The following PTCHD4 variants were observed in gnomAD, a reference collection of about 807,000 sequenced individuals.
PTCHD4 encodes the protein patched domain containing 4.
Under a neutral mutation model 58.1 loss-of-function variants are expected in PTCHD4, and 33 were observed. The observed-to-expected ratio is 0.57, with a 90% CI of 0.43 to 0.76. The LOEUF (loss-of-function observed/expected upper bound fraction) is 0.76, where lower values mean the gene tolerates loss of function less well. PTCHD4 is among the 30% of genes least tolerant of loss of function. The pLI is 0.00. For synonymous variants in PTCHD4, 478 were observed against 409.6 expected (o/e 1.17, Z -2.02); for missense variants, 1,058 against 1,027.1 (o/e 1.03, Z -0.41).
At chr6:48,081,809 C>T (rs972132008) in intron 1 of PTCHD4, among the ~76,000 whole-genome samples, 6 of 152,070 alleles carry the variant, frequency 3.9e-5, no homozygotes, top group Non-Finnish European at 7.4e-5. Flanking sequence ...AGAAACTTAG[C>T]TATGTTGAAT....
At chr6:47,882,051 C>A (rs536147815) in intron 4 of PTCHD4, among the ~76,000 whole-genome samples, 5 of 152,036 alleles carry the variant, frequency 3.3e-5, no homozygotes, top group Admixed American at 3.3e-4. Flanking sequence ...TTCCTATCTT[C>A]GGCAAAACTC....
intron 3 of PTCHD4, among the ~76,000 whole-genome samples, chr6:48,015,930 T>G (rs990736823): frequency 1.3e-5 from 2 of 151,888 alleles, no homozygotes; most frequent in South Asian, 4.1e-4. Flanking sequence ...GAGACTAGTT[T>G]GCTAAGACCA....
chr6:48,048,025 A>C (rs935562387), intron 3 of PTCHD4, among the ~76,000 whole-genome samples: 40 of 151,792 alleles, frequency 2.6e-4, no homozygotes, highest in Non-Finnish European at 5.5e-4. Context: ...TAGTAAAAAA[A>C]AAAAAAAAAA....
intron 4 of PTCHD4, among the ~76,000 whole-genome samples, chr6:47,891,781 CA>C (rs1247202164): frequency 1.3e-5 from 2 of 151,858 alleles, no homozygotes; most frequent in African/African-American, 4.8e-5. Flanking sequence ...TGTAATTAGT[CA>C]ATAAACCTAA....
At chr6:48,092,760 A>G (rs1055014545) in intron 1 of PTCHD4, among the ~76,000 whole-genome samples, 2 of 152,214 alleles carry the variant, frequency 1.3e-5, no homozygotes, top group Admixed American at 6.5e-5. Flanking sequence ...GCAGATACAC[A>G]GGAATGTCAC....
At chr6:48,099,753 G>A (rs1582137905) in intron 1 of PTCHD4, among the ~76,000 whole-genome samples, 1 of 152,244 alleles carries the variant, frequency 6.6e-6, no homozygotes, top group Admixed American at 6.5e-5. Flanking sequence ...AGGCTATGCT[G>A]TGAATGGAGC....
At chr6:48,047,880 C>T (rs778722140) in intron 3 of PTCHD4, among the ~76,000 whole-genome samples, 2 of 151,748 alleles carry the variant, frequency 1.3e-5, no homozygotes, top group Non-Finnish European at 2.9e-5. Flanking sequence ...TTGTTTAAGT[C>T]ATTCTGTCTA....
chr6:47,868,321 C>T lies in PTCHD4; in HGVS notation c.*9982G>A, dbSNP rs1581799975. On this transcript the variant is annotated 3_prime_UTR_variant, in exon 5 of 5. Transcript: ENST00000339488. ...AACTTATAGGAAAGGACAGTTATTA[C>T]CAACAAACTTGAAATTCTTCCTTTA... Among the ~76,000 whole-genome samples, 1 of 151,740 alleles carries T rather than the reference C, an allele frequency of 6.6e-6. No homozygotes were observed. Among genetic ancestry groups the T allele is most frequent in the Non-Finnish European group, 1.5e-5 (1 of 67,794 alleles).
chr6:48,033,815 A>G (rs181470859), intron 3 of PTCHD4, among the ~76,000 whole-genome samples: 6 of 152,182 alleles, frequency 3.9e-5, no homozygotes, highest in South Asian at 2.1e-4. Context: ...CATTGATTTC[A>G]AGAGCCTGTG....
intron 4 of PTCHD4, among the ~76,000 whole-genome samples, chr6:47,889,467 T>C (rs1435295361): frequency 1.3e-5 from 2 of 151,918 alleles, no homozygotes; most frequent in Non-Finnish European, 2.9e-5. Flanking sequence ...TTTTGAGAAG[T>C]GTCTGTTCAT....
intron 4 of PTCHD4, among the ~76,000 whole-genome samples, chr6:47,952,924 AAT>A (rs151138280): frequency 0.058 from 8,849 of 152,132 alleles, 421 homozygotes; most frequent in African/African-American, 0.13. Context: ...TAGAGTAGAA[AAT>A]ATATCACATA....
At chr6:47,972,279 C>G (rs1767541239) in intron 4 of PTCHD4, among the ~76,000 whole-genome samples, 1 of 152,178 alleles carries the variant, frequency 6.6e-6, no homozygotes, top group East Asian at 1.9e-4. Context: ...TTGGTGTGGG[C>G]TCCATTTAAA....
rs1187486552 is a variant in PTCHD4 at position 47,872,902 on chromosome 6, C to A, written c.*5401G>T. On this transcript the variant is annotated 3_prime_UTR_variant, in exon 5 of 5. Transcript: ENST00000339488. Reference sequence around the variant, plus strand: ...TCCGTTTTATAAGAAAAGCAAGTGGCTTCTCTATCAGCAATAGAGAGTCCT... The same window carrying A: ...TCCGTTTTATAAGAAAAGCAAGTGGATTCTCTATCAGCAATAGAGAGTCCT... Among the ~76,000 whole-genome samples the A allele has an allele frequency of 1.3e-5, 2 of 151,514 alleles. No homozygotes were observed. The highest frequency in any genetic ancestry group is 4.8e-5 in the African/African-American group (2 of 41,318).
chr6:48,044,433 G>T (rs1763961171), intron 3 of PTCHD4, among the ~76,000 whole-genome samples: 1 of 151,848 alleles, frequency 6.6e-6, no homozygotes, highest in African/African-American at 2.4e-5. Flanking sequence ...AAGACAGAAA[G>T]AAAACAGATT....
intron 4 of PTCHD4, among the ~76,000 whole-genome samples, chr6:47,943,070 C>T (rs759402884): frequency 5.3e-5 from 8 of 152,098 alleles, no homozygotes; most frequent in Non-Finnish European, 8.8e-5. Context: ...ATGCACGTAT[C>T]AGTAATTTAT....
At chr6:48,075,610 A>G (rs1327101312) in intron 1 of PTCHD4, among the ~76,000 whole-genome samples, 1 of 152,220 alleles carries the variant, frequency 6.6e-6, no homozygotes, top group Non-Finnish European at 1.5e-5. Context: ...TTTCCAGACC[A>G]TCACAATAAA....
chr6:47,878,449 A>C lies in PTCHD4; in HGVS notation c.2386T>G (p.Cys796Gly). The C allele has an allele frequency of 1.2e-6, 2 of 1,613,536 alleles. No individual in the cohort carries two copies. The highest frequency in any genetic ancestry group is 1.7e-5 in the Admixed American group (1 of 59,916). Reference protein sequence around the residue: ...LLTGGCTLLHCFVILPVFLTF... With the variant: ...LLTGGCTLLHGFVILPVFLTF... The stretch of plus-strand genomic sequence containing the variant: ...AGGAACACAGGTAAAATAACAAAAC[A>C]GTGCAGAAGTGTGCAACCCCCAGTG... Residue 796 changes from cysteine (C) to glycine (G), a missense_variant, in exon 5 of 5, where the codon TGT (cysteine) becomes GGT (glycine). Physicochemically the swap from Cys to Gly is radical, Grantham distance 159. Transcript: ENST00000339488.
chr6:47,899,182 C>T (rs1462622044), intron 4 of PTCHD4, among the ~76,000 whole-genome samples: 1 of 152,202 alleles, frequency 6.6e-6, no homozygotes, highest in Admixed American at 6.5e-5. Context: ...GGAATTTTCC[C>T]ATGTAATGCA....
At chr6:47,884,002 C>G (rs1764103267) in intron 4 of PTCHD4, among the ~76,000 whole-genome samples, 1 of 152,056 alleles carries the variant, frequency 6.6e-6, no homozygotes, top group African/African-American at 2.4e-5. Flanking sequence ...ACAAATTATT[C>G]CAGAATCCCG....
Sources: allele counts gnomAD v4.1 joint callset (sites outside exome capture counted in the v4.1 genomes callset), GRCh38; gene constraint gnomAD v4.1.1; transcripts MANE v1.5; gene names NCBI Gene and HGNC (gene_info 2026-07-23, HGNC 2026-07-21).